The following SHISA9 variants were observed in gnomAD, a reference collection of about 807,000 sequenced individuals.
SHISA9 encodes the protein protein shisa-9.
Under a neutral mutation model 38.0 loss-of-function variants are expected in SHISA9, and 13 were observed. The observed-to-expected ratio is 0.34, with a 90% confidence interval of 0.22 to 0.54. The LOEUF (loss-of-function observed/expected upper bound fraction) is 0.54. Among genes scored for constraint, SHISA9 ranks in the 20% least tolerant of loss-of-function variants. The probability of loss-of-function intolerance (pLI) is 0.91; values close to 1 mark genes in which losing one functional copy is unlikely to be tolerated. For missense variants in SHISA9, 538 were observed against 575.8 expected (o/e 0.93, Z 0.67); for synonymous variants, 275 against 242.0 (o/e 1.14, Z -1.27).
chr16:13,073,768 A>G (rs2073546764), intron 2 of SHISA9, among the ~76,000 whole-genome samples: 1 of 152,112 alleles, frequency 6.6e-6, no homozygotes, highest in African/African-American at 2.4e-5. Context: ...ATTCACAGAG[A>G]AGGCCATGTG....
chr16:13,312,513 A>C, the SHISA9 span, among the ~76,000 whole-genome samples: 1 of 152,222 alleles, frequency 6.6e-6, no homozygotes, highest in Admixed American at 6.5e-5. Flanking sequence ...GAGACCATTT[A>C]TTAGTTTGAC....
chr16:13,271,238 A>G, the SHISA9 span, among the ~76,000 whole-genome samples: 1 of 152,206 alleles, frequency 6.6e-6, no homozygotes, highest in South Asian at 2.1e-4. Flanking sequence ...ACATCAGTGT[A>G]GAGAGAAGGA....
At chr16:13,070,123 CGTGTGTGTGTGTGT>C (rs55824636) in intron 2 of SHISA9, among the ~76,000 whole-genome samples, 1 of 145,722 alleles carries the variant, frequency 6.9e-6, no homozygotes, top group Non-Finnish European at 1.5e-5. Context: ...CTTTAAAGTA[CGTGTGTGTGTGTGT>C]GTGTGTGTGT....
chr16:13,483,784 T>C, the SHISA9 span, among the ~76,000 whole-genome samples: 1 of 152,170 alleles, frequency 6.6e-6, no homozygotes, highest in Non-Finnish European at 1.5e-5. Context: ...TAACTGAACA[T>C]GTAGAGGTTT....
intron 2 of SHISA9, among the ~76,000 whole-genome samples, chr16:12,970,353 G>A (rs202066010): frequency 0.12 from 5,429 of 46,132 alleles, 564 homozygotes; most frequent in Middle Eastern, 0.17. Context: ...ACATATATGT[G>A]TATATATATA....
chr16:12,936,620 G>A (rs2071537030), intron 2 of SHISA9, among the ~76,000 whole-genome samples: 1 of 152,220 alleles, frequency 6.6e-6, no homozygotes, highest in Non-Finnish European at 1.5e-5. Flanking sequence ...CTTCTCCAGA[G>A]TGTGATTCTA....
chr16:12,928,799 A>G (rs570254348), intron 2 of SHISA9, among the ~76,000 whole-genome samples: 1 of 152,364 alleles, frequency 6.6e-6, no homozygotes, highest in African/African-American at 2.4e-5. Context: ...CAGAGGCATT[A>G]TTTTTAAAAA....
the SHISA9 span, chr16:13,246,293 C>T: frequency 9.2e-5 from 14 of 152,096 alleles, no homozygotes; most frequent in African/African-American, 3.4e-4. Context: ...AGAGGAAACC[C>T]CTTTTGCTTG....
the SHISA9 span, among the ~76,000 whole-genome samples, chr16:13,532,937 C>T: frequency 6.6e-6 from 1 of 152,080 alleles, no homozygotes; most frequent in Admixed American, 6.6e-5. Context: ...AGGTCTTTTG[C>T]CCCCTACCTC....
the SHISA9 span, among the ~76,000 whole-genome samples, chr16:13,359,287 C>T: frequency 2.6e-5 from 4 of 152,174 alleles, no homozygotes; most frequent in South Asian, 8.3e-4. Flanking sequence ...TCAAAACCAG[C>T]TTGGCTATCA....
At chr16:13,426,016 C>G in the SHISA9 span, among the ~76,000 whole-genome samples, 10 of 152,300 alleles carry the variant, frequency 6.6e-5, no homozygotes, top group African/African-American at 2.4e-4. Context: ...AGGAAACAGA[C>G]AACACAGAAC....
chr16:12,928,106 A>G (rs955724010), intron 2 of SHISA9, among the ~76,000 whole-genome samples: 1 of 152,216 alleles, frequency 6.6e-6, no homozygotes, highest in Non-Finnish European at 1.5e-5. Context: ...AATAAAAGAC[A>G]AAGCCTAAGT....
chr16:13,347,710 G>A, the SHISA9 span, among the ~76,000 whole-genome samples: 29 of 152,128 alleles, frequency 1.9e-4, no homozygotes, highest in Admixed American at 3.9e-4. Flanking sequence ...TCTAGAATGA[G>A]TGTTGTGTCT....
At chr16:13,009,353 G>A (rs2072641768) in intron 2 of SHISA9, among the ~76,000 whole-genome samples, 1 of 152,182 alleles carries the variant, frequency 6.6e-6, no homozygotes, top group African/African-American at 2.4e-5. Flanking sequence ...AGGACATTCA[G>A]GAAGGTGGGT....
the SHISA9 span, among the ~76,000 whole-genome samples, chr16:13,375,802 A>T: frequency 6.6e-6 from 1 of 152,236 alleles, no homozygotes; most frequent in Non-Finnish European, 1.5e-5. Flanking sequence ...TCCTGTATTC[A>T]TGGATAAGAA....
chr16:13,241,754 G>A (rs2051437038), downstream of SHISA9, among the ~76,000 whole-genome samples: 1 of 152,158 alleles, frequency 6.6e-6, no homozygotes, highest in African/African-American at 2.4e-5. Context: ...TCTGGGATTT[G>A]GAGACCTTTC....
the SHISA9 span, among the ~76,000 whole-genome samples, chr16:13,551,873 A>T: frequency 6.6e-6 from 1 of 152,142 alleles, no homozygotes; most frequent in Non-Finnish European, 1.5e-5. Context: ...CTGAAAACGC[A>T]AAAACTAGCC....
the SHISA9 span, among the ~76,000 whole-genome samples, chr16:13,438,852 C>G: frequency 6.6e-6 from 1 of 152,184 alleles, no homozygotes; most frequent in Non-Finnish European, 1.5e-5. Context: ...TAATTACTGT[C>G]TTTATTCCTT....
chr16:13,180,312 C>T (rs1467346265), intron 2 of SHISA9, among the ~76,000 whole-genome samples: 3 of 152,228 alleles, frequency 2.0e-5, no homozygotes, highest in African/African-American at 7.2e-5. Context: ...ACTCTGTCCC[C>T]ACACCAGTTT....
Sources: allele counts gnomAD v4.1 joint callset (sites outside exome capture counted in the v4.1 genomes callset), GRCh38; gene constraint gnomAD v4.1.1; transcripts MANE v1.5; gene names NCBI Gene and HGNC (gene_info 2026-07-23, HGNC 2026-07-21).